The following HERC2 variants were observed in gnomAD, a reference collection of about 807,000 sequenced individuals.
HERC2 encodes the protein E3 ubiquitin-protein ligase HERC2.
HERC2 carries 102 observed loss-of-function variants against 537.7 expected under a neutral mutation model. The observed-to-expected ratio is 0.19, with a 90% CI of 0.16 to 0.22. The LOEUF (loss-of-function observed/expected upper bound fraction) is 0.22. Among genes scored for constraint, HERC2 ranks in the 10% least tolerant of loss-of-function variants. The probability of loss-of-function intolerance (pLI) is 1.00; values close to 1 mark genes in which losing one functional copy is unlikely to be tolerated. For missense variants in HERC2, 4,236 were observed against 6,198.2 expected, an observed-to-expected ratio of 0.68 and a Z score of 10.63; for synonymous variants, 2,224 against 2,466.2, an observed-to-expected ratio of 0.90 and a Z score of 2.91.
chr15:28,256,610 A>T (rs2075269999), intron 17 of HERC2, among the ~76,000 whole-genome samples: 1 of 152,108 alleles, frequency 6.6e-6, no homozygotes, highest in Non-Finnish European at 1.5e-5. Flanking sequence ...TCTGCACCAA[A>T]CACAGAAATA....
At chr15:28,217,878 A>C (rs1160920033) in intron 38 of HERC2, among the ~76,000 whole-genome samples, 1 of 151,980 alleles carries the variant, frequency 6.6e-6, no homozygotes, top group Non-Finnish European at 1.5e-5. Context: ...AAAGTAAGGA[A>C]GGACCTTCCC....
chr15:28,254,381 T>C lies in HERC2; in HGVS notation c.3009A>G (p.Lys1003=). ...TGAGCTGAACCAGAGGCAAACACTGTTTGCCAGAAGACTCACAGATCCCCG... is the reference window on the plus strand; with the variant it reads ...TGAGCTGAACCAGAGGCAAACACTGCTTGCCAGAAGACTCACAGATCCCCG... ...INTGICESSG[K]QCLPLVQLIQ... Residue 1003 remains lysine (K), a synonymous_variant, in exon 20 of 93, where the codon AAA becomes AAG. Coordinates refer to ENST00000261609, the MANE Select transcript of HERC2 (RefSeq NM_004667.6). The C allele has an allele frequency of 6.2e-7, 1 of 1,608,306 alleles. No individual in the cohort carries two copies. Among genetic ancestry groups the C allele is most frequent in the Non-Finnish European group, 8.5e-7 (1 of 1,177,862 alleles).
chr15:28,135,910 G>C (rs1394997808), intron 78 of HERC2, among the ~76,000 whole-genome samples: 1 of 152,090 alleles, frequency 6.6e-6, no homozygotes, highest in African/African-American at 2.4e-5. Context: ...TCCAAATTCA[G>C]AAAACATATT....
chr15:28,197,139 G>A (rs1210614547), intron 50 of HERC2, among the ~76,000 whole-genome samples: 1 of 152,188 alleles, frequency 6.6e-6, no homozygotes, highest in Non-Finnish European at 1.5e-5. Context: ...TATGTAACAT[G>A]AGAAGCTCTA....
rs775844674 is a variant in HERC2 at position 28,167,791 on chromosome 15, C to G, written c.10450G>C (p.Val3484Leu). ...SSEDAVTPSA[V>L]TPSAPSASAR... is the part of the protein sequence containing the mutation. ...GAGGCTGAGGGGGCCGACGGAGTCA[C>G]TGCAGAGGGGGTCACTGCGTCCTCA... The change falls in exon 68 of 93, where the codon GTG becomes CTG. Residue 3484 changes from valine to leucine, a missense_variant. Transcript: ENST00000261609. 6.2e-7 allele frequency: 1 copy of G among 1,614,168 alleles called. No homozygotes were observed. The highest frequency in any genetic ancestry group is 8.5e-7 in the Non-Finnish European group (1 of 1,180,026).
Position 28,269,431 on chromosome 15 carries a change from T to C in HERC2, c.1263A>G (p.Ser421=). The C allele has an allele frequency of 5.0e-6, 8 of 1,609,458 alleles. No individual in the cohort carries two copies. The highest frequency in any genetic ancestry group is 6.8e-6 in the Non-Finnish European group (8 of 1,176,102). ...ACCCCCAACCTATGACCTCTTGCAA[T>C]GATCCCTGTAAGATAAGAAAGTAAA... ...LCSSPTSHKG[S]LQEVIGWGLI... is the part of the protein sequence containing the mutation. Residue 421 remains serine, a synonymous_variant, in exon 11 of 93, where the codon TCA becomes TCG. Transcript: ENST00000261609.
At chr15:28,259,161 C>T (rs1201540470) in intron 16 of HERC2, among the ~76,000 whole-genome samples, 1 of 152,142 alleles carries the variant, frequency 6.6e-6, no homozygotes, top group Admixed American at 6.5e-5. Flanking sequence ...ATGGCGCCAT[C>T]CCGGCTCACT....
intron 16 of HERC2, among the ~76,000 whole-genome samples, chr15:28,258,824 G>A (rs1407189718): frequency 6.6e-6 from 1 of 151,952 alleles, no homozygotes; most frequent in East Asian, 1.9e-4. Context: ...CAACAAAATT[G>A]AAAAACTCTA....
At chr15:28,308,896 A>T (rs2141260550) in intron 2 of HERC2, among the ~76,000 whole-genome samples, 1 of 152,376 alleles carries the variant, frequency 6.6e-6, no homozygotes, top group South Asian at 2.1e-4. Context: ...GATAAACCCC[A>T]CTTGGTCACA....
At chr15:28,197,993 C>G (rs532783995) in intron 50 of HERC2, among the ~76,000 whole-genome samples, 1 of 152,158 alleles carries the variant, frequency 6.6e-6, no homozygotes, top group Non-Finnish European at 1.5e-5. Flanking sequence ...CCAATCATGA[C>G]GTTAGCATGG....
chr15:28,252,988 C>G (rs548822405), intron 20 of HERC2, among the ~76,000 whole-genome samples: 25 of 152,368 alleles, frequency 1.6e-4, no homozygotes, highest in African/African-American at 5.3e-4. Flanking sequence ...GGGCTCCCTG[C>G]TCTGTGCTCG....
chr15:28,213,817 G>C lies in HERC2; in HGVS notation c.6711C>G (p.Thr2237=). The part of the protein sequence containing the change: ...EFGEGTVTRI[T]PKGKITVQFS... ...ACTGCACGGTGATTTTGCCCTTTGG[G>C]GTGATGCGAGTCACAGTGCCTTCTC... The change falls in exon 42 of 93, where the codon ACC becomes ACG. Residue 2237 remains threonine, a synonymous_variant. Coordinates refer to ENST00000261609, the MANE Select transcript of HERC2 (RefSeq NM_004667.6). The C allele has an allele frequency of 6.2e-7, 1 of 1,613,978 alleles. No homozygotes were observed.
In HERC2 at chr15:28,270,738, G is replaced by A. The variant is rs760000210; in HGVS notation, c.1214C>T (p.Thr405Met). Residue 405 changes from threonine to methionine, a missense_variant, in exon 10 of 93, where the codon ACG becomes ATG. Transcript: ENST00000261609. ...VVMAHLDRLA[T>M]PCMPPLCSSP... Reference sequence around the variant, plus strand: ...GCTACACAGCGGAGGCATACAGGGCGTAGCCAGACGGTCTAAATGGGCCAT... The same window carrying A: ...GCTACACAGCGGAGGCATACAGGGCATAGCCAGACGGTCTAAATGGGCCAT... 26 of 1,613,822 alleles carry A rather than the reference G, an allele frequency of 1.6e-5. No individual in the cohort carries two copies. The highest frequency in any genetic ancestry group is 4.0e-5 in the African/African-American group (3 of 74,916).
chr15:28,159,700 G>T (rs181863131), intron 69 of HERC2, among the ~76,000 whole-genome samples: 25 of 152,316 alleles, frequency 1.6e-4, no homozygotes, highest in African/African-American at 5.8e-4. Context: ...GCTCGGAGAA[G>T]TTTGATCGTC....
intron 45 of HERC2, among the ~76,000 whole-genome samples, chr15:28,204,435 C>A (rs1898193634): frequency 6.6e-6 from 1 of 152,120 alleles, no homozygotes; most frequent in South Asian, 2.1e-4. Flanking sequence ...GCCTGGCCAA[C>A]ATGGTAAAAC....
intron 38 of HERC2, among the ~76,000 whole-genome samples, chr15:28,218,021 T>C (rs1210354348): frequency 4.6e-5 from 7 of 151,958 alleles, no homozygotes; most frequent in Non-Finnish European, 1.0e-4. Flanking sequence ...AAAATTCGTA[T>C]GTTGAAGCCC....
At chr15:28,290,453 C>T (rs1267003031) in intron 4 of HERC2, among the ~76,000 whole-genome samples, 1 of 152,146 alleles carries the variant, frequency 6.6e-6, no homozygotes, top group Non-Finnish European at 1.5e-5. Context: ...TGGTCTCAAA[C>T]TCCTGACCTC....
Position 28,175,586 on chromosome 15 carries a change from C to A in HERC2, c.9757G>T (p.Gly3253Trp). 6.2e-7 allele frequency: 1 copy of A among 1,614,200 alleles called. No individual in the cohort carries two copies. Among genetic ancestry groups the A allele is most frequent in the Non-Finnish European group, 8.5e-7 (1 of 1,180,018 alleles). Residue 3253 changes from glycine (G) to tryptophan (W), a missense_variant, in exon 64 of 93, where the codon GGG (glycine) becomes TGG (tryptophan). Coordinates refer to ENST00000261609, the MANE Select transcript of HERC2 (RefSeq NM_004667.6). ...VHVRKPQVVE[G>W]LRGKKIVHVA... is the part of the protein sequence containing the mutation. The stretch of plus-strand genomic sequence containing the variant: ...TGCACGATCTTCTTCCCTCTCAGCC[C>A]TTCCACCACCTGTGGTTTCCGCACG...
chr15:28,216,760 AAC>A (rs1031679890), intron 38 of HERC2, among the ~76,000 whole-genome samples: 2 of 144,888 alleles, frequency 1.4e-5, no homozygotes, highest in African/African-American at 5.1e-5. Flanking sequence ...CGCAATCACT[AAC>A]ACACACACAA....
Sources: gnomAD v4.1 joint callset for allele counts (sites outside exome capture counted in the v4.1 genomes callset) on GRCh38, gnomAD v4.1.1 for gene constraint, MANE v1.5 for transcripts, NCBI Gene and HGNC (gene_info 2026-07-23, HGNC 2026-07-21) for gene names.